Variants in SAMD12 observed in about 807,000 individuals in gnomAD.
The protein encoded by SAMD12 is sterile alpha motif domain containing 12.
In SAMD12, 9 loss-of-function variants were observed where a neutral mutation model predicts 15.0. The ratio of observed to expected loss-of-function variants is 0.60; its 90% CI spans 0.36 to 1.05. The LOEUF is 1.05. Among genes scored for constraint, SAMD12 ranks in the 50% least tolerant of loss-of-function variants. The probability of loss-of-function intolerance (pLI) is 0.01; values close to 1 mark genes in which losing one functional copy is unlikely to be tolerated. For synonymous variants in SAMD12, 86 were observed against 90.1 expected, an observed-to-expected ratio of 0.96 and a Z score of 0.25; for missense variants, 230 against 234.2, an observed-to-expected ratio of 0.98 and a Z score of 0.12.
At chr8:118,153,681 C>G in the SAMD12 span, among the ~76,000 whole-genome samples, 33 of 152,218 alleles carry the variant, frequency 2.2e-4, no homozygotes, top group African/African-American at 7.5e-4. Flanking sequence ...CCCTTTGATA[C>G]TGCTTTAGAT....
chr8:118,220,799 A>G (rs1383009878), intron 4 of SAMD12, among the ~76,000 whole-genome samples: 2 of 152,178 alleles, frequency 1.3e-5, no homozygotes, highest in African/African-American at 4.8e-5. Flanking sequence ...CAAACACATC[A>G]AGGCCTTCCC....
rs377169740 is a variant in SAMD12 at position 118,551,958 on chromosome 8, T to C, written c.192+28757A>G. Among the ~76,000 whole-genome samples the C allele has an allele frequency of 1.3e-4, 19 of 150,908 alleles. No individual in the cohort carries two copies. The South Asian group carries it at 1.7e-3, about 13-fold the overall frequency. ...TGGATAAATTCCTCGACACATACAC[T>C]CTCCCAAGACTAAACCAGGAAGAAG... On this transcript the variant is annotated intron_variant, in intron 2 of 3. Coordinates refer to ENST00000314727, the MANE Select transcript of SAMD12 (RefSeq NM_207506.3).
chr8:118,460,143 A>G (rs1042193239), intron 2 of SAMD12, among the ~76,000 whole-genome samples: 4 of 152,184 alleles, frequency 2.6e-5, no homozygotes, highest in African/African-American at 9.7e-5. Flanking sequence ...TTCACAAAGG[A>G]TCCATTCCCT....
intron 2 of SAMD12, among the ~76,000 whole-genome samples, chr8:118,481,164 A>G (rs955131264): frequency 6.6e-6 from 1 of 151,392 alleles, no homozygotes; most frequent in Non-Finnish European, 1.5e-5. Flanking sequence ...CATGTTGGCC[A>G]GGCTGGTCTC....
intron 3 of SAMD12, among the ~76,000 whole-genome samples, chr8:118,385,232 G>A (rs1488583723): frequency 6.6e-6 from 1 of 152,032 alleles, no homozygotes; most frequent in South Asian, 2.1e-4. Context: ...AATTTAAATT[G>A]GTGAAGTGGA....
At chr8:118,496,023 A>G (rs1824598991) in intron 2 of SAMD12, among the ~76,000 whole-genome samples, 1 of 152,100 alleles carries the variant, frequency 6.6e-6, no homozygotes, top group Non-Finnish European at 1.5e-5. Flanking sequence ...AAAGATCTCT[A>G]TAATAAGAAT....
chr8:118,287,060 G>A (rs1249332813), intron 4 of SAMD12, among the ~76,000 whole-genome samples: 3 of 151,926 alleles, frequency 2.0e-5, no homozygotes, highest in Non-Finnish European at 4.4e-5. Flanking sequence ...TATATTTTGT[G>A]CCTGGAATGT....
chr8:118,269,103 T>G (rs569925160), intron 4 of SAMD12, among the ~76,000 whole-genome samples: 1 of 152,166 alleles, frequency 6.6e-6, no homozygotes, highest in East Asian at 1.9e-4. Context: ...ATCTATTTCC[T>G]TCCAGCTCTC....
chr8:118,467,893 A>C (rs888792761), intron 2 of SAMD12, among the ~76,000 whole-genome samples: 1 of 152,214 alleles, frequency 6.6e-6, no homozygotes, highest in Admixed American at 6.5e-5. Flanking sequence ...AGGCTTTGAC[A>C]AGATCAAAAG....
intron 2 of SAMD12, among the ~76,000 whole-genome samples, chr8:118,506,722 A>G (rs1824930126): frequency 6.6e-6 from 1 of 151,796 alleles, no homozygotes; most frequent in Admixed American, 6.6e-5. Context: ...CACTATTTAC[A>G]AAATAATCAG....
At chr8:118,316,027 T>C (rs184093832) in intron 4 of SAMD12, among the ~76,000 whole-genome samples, 1 of 152,262 alleles carries the variant, frequency 6.6e-6, no homozygotes, top group Admixed American at 6.5e-5. Context: ...CATACAAACA[T>C]TGTCAGCTTA....
At chr8:118,414,070 A>G (rs1028036662) in intron 3 of SAMD12, among the ~76,000 whole-genome samples, 2 of 152,194 alleles carry the variant, frequency 1.3e-5, no homozygotes. Context: ...GTATTTCCCA[A>G]CTTGGAGATT....
chr8:118,202,934 G>C (rs750018630), intron 4 of SAMD12, among the ~76,000 whole-genome samples: 1 of 152,172 alleles, frequency 6.6e-6, no homozygotes, highest in Admixed American at 6.5e-5. Context: ...GCCTACAAAG[G>C]TTTTATAGGC....
the SAMD12 span, among the ~76,000 whole-genome samples, chr8:118,142,929 A>G: frequency 6.6e-6 from 1 of 152,218 alleles, no homozygotes; most frequent in South Asian, 2.1e-4. Context: ...TAGAATAATG[A>G]ATAATAATAA....
chr8:118,357,406 T>A (rs940626397), intron 4 of SAMD12, among the ~76,000 whole-genome samples: 1 of 152,058 alleles, frequency 6.6e-6, no homozygotes, highest in Non-Finnish European at 1.5e-5. Context: ...TCCAGCTAAT[T>A]TTTGTATTTT....
chr8:118,348,471 G>A lies in SAMD12; in HGVS notation c.433+31089C>T, dbSNP rs143005808. Among the ~76,000 whole-genome samples, 943 of 151,588 alleles carry A rather than the reference G, an allele frequency of 6.2e-3. 14 individuals are homozygous for A. Among genetic ancestry groups the A allele is most frequent in the African/African-American group, 0.02 (843 of 41,296 alleles). ...CCGCAAGCTCCGCCCCCCGGGGTTC[G>A]TGCCATTCTCCTGCCTCAGCCTCCC... On this transcript the variant is annotated intron_variant, in intron 4 of 4. Transcript: ENST00000409003.
chr8:118,357,041 C>T (rs1818263040), intron 4 of SAMD12, among the ~76,000 whole-genome samples: 2 of 152,182 alleles, frequency 1.3e-5, no homozygotes, highest in Admixed American at 6.5e-5. Flanking sequence ...TGCTCTCATC[C>T]AATCCATCTC....
At chr8:118,345,561 T>C (rs1054705305) in intron 4 of SAMD12, among the ~76,000 whole-genome samples, 1 of 152,104 alleles carries the variant, frequency 6.6e-6, no homozygotes, top group Non-Finnish European at 1.5e-5. Flanking sequence ...AGGACAAAGA[T>C]ATAGAAGAAA....
chr8:118,229,473 T>C (rs1023380627), intron 4 of SAMD12, among the ~76,000 whole-genome samples: 18 of 152,252 alleles, frequency 1.2e-4, no homozygotes, highest in African/African-American at 4.3e-4. Context: ...TATACCTTAT[T>C]ACTAACTAAT....
Sources: allele counts gnomAD v4.1 joint callset (sites outside exome capture counted in the v4.1 genomes callset), GRCh38; gene constraint gnomAD v4.1.1; transcripts MANE v1.5; gene names NCBI Gene and HGNC (gene_info 2026-07-23, HGNC 2026-07-21).